The following OLFM3 variants were observed in gnomAD, a reference collection of about 807,000 sequenced individuals.
OLFM3 encodes the protein noelin-3.
In OLFM3, 20 loss-of-function variants were observed where a neutral mutation model predicts 48.6. The ratio of observed to expected loss-of-function variants is 0.41; its 90% CI spans 0.29 to 0.60. The LOEUF is 0.60. Ranked by LOEUF, OLFM3 falls within the 20% of genes least tolerant of loss-of-function variation. The pLI, the probability that OLFM3 is intolerant of heterozygous loss-of-function variation, is 0.28. For synonymous variants in OLFM3, 222 were observed against 198.1 expected (o/e 1.12, Z -1.01); for missense variants, 437 against 544.3 (o/e 0.80, Z 1.96).
At chr1:101,844,316 T>A (rs1311241021) in intron 1 of OLFM3, among the ~76,000 whole-genome samples, 2 of 152,124 alleles carry the variant, frequency 1.3e-5, no homozygotes, top group Non-Finnish European at 2.9e-5. Flanking sequence ...GAAAACATAC[T>A]TTAAAGGATG....
At chr1:101,911,415 T>TG (rs768655744) in intron 1 of OLFM3, among the ~76,000 whole-genome samples, 2 of 152,122 alleles carry the variant, frequency 1.3e-5, no homozygotes, top group Non-Finnish European at 2.9e-5. Context: ...GATAAATGAC[T>TG]GAAACCTCAT....
At chr1:101,902,459 AC>A (rs1658418703) in intron 1 of OLFM3, among the ~76,000 whole-genome samples, 10 of 151,972 alleles carry the variant, frequency 6.6e-5, no homozygotes. Context: ...CATGTTTGCC[AC>A]CCAAAAGGGA....
intron 1 of OLFM3, among the ~76,000 whole-genome samples, chr1:101,891,477 A>T (rs1657995434): frequency 6.6e-6 from 1 of 151,968 alleles, no homozygotes; most frequent in Non-Finnish European, 1.5e-5. Context: ...AGGAATAAAA[A>T]AATATTGATG....
In OLFM3 at chr1:101,885,357, T is replaced by C. The variant is rs1468279354; in HGVS notation, c.70-48332A>G. On this transcript the variant is annotated intron_variant, in intron 1 of 5. Coordinates refer to ENST00000370103, the MANE Select transcript of OLFM3 (RefSeq NM_058170.4). ...AAGAATTCCTTTGCTTTTTATGACA[T>C]GGTCCCTTCTATGATACGAGCACTG... is the stretch of plus-strand genomic sequence containing the variant. Among the ~76,000 whole-genome samples, 3 of 152,174 alleles carry C rather than the reference T, an allele frequency of 2.0e-5. No individual in the cohort carries two copies. In the East Asian group the frequency reaches 5.8e-4, roughly 30 times the overall value.
chr1:101,877,103 G>C (rs1277109812), intron 1 of OLFM3, among the ~76,000 whole-genome samples: 1 of 151,810 alleles, frequency 6.6e-6, no homozygotes, highest in Non-Finnish European at 1.5e-5. Context: ...CAATAAAGTG[G>C]TATGTAAATA....
chr1:101,903,099 T>C (rs1658441891), intron 1 of OLFM3, among the ~76,000 whole-genome samples: 1 of 152,082 alleles, frequency 6.6e-6, no homozygotes, highest in Non-Finnish European at 1.5e-5. Context: ...AGTAGATAAT[T>C]TCATGACTTG....
intron 1 of OLFM3, among the ~76,000 whole-genome samples, chr1:101,852,262 T>C (rs976915858): frequency 8.5e-5 from 13 of 152,096 alleles, no homozygotes; most frequent in African/African-American, 2.9e-4. Context: ...AATTTCTCTC[T>C]TCCTAATTGC....
intron 1 of OLFM3, among the ~76,000 whole-genome samples, chr1:101,942,815 G>C (rs1000688092): frequency 2.0e-5 from 3 of 152,098 alleles, no homozygotes; most frequent in Admixed American, 1.3e-4. Flanking sequence ...TTCTTGCTTT[G>C]TTCTTACAAA....
At chr1:101,808,182 T>C (rs1653872162) in intron 4 of OLFM3, among the ~76,000 whole-genome samples, 1 of 151,648 alleles carries the variant, frequency 6.6e-6, no homozygotes, top group African/African-American at 2.4e-5. Context: ...TGACTTAAGA[T>C]GATGGAGTGA....
intron 4 of OLFM3, among the ~76,000 whole-genome samples, chr1:101,817,212 G>A (rs1333427841): frequency 6.6e-6 from 1 of 152,088 alleles, no homozygotes; most frequent in Non-Finnish European, 1.5e-5. Context: ...CAGACAGAGA[G>A]GATAATTTTC....
chr1:101,996,743 C>T lies in OLFM3; in HGVS notation c.69+5G>A, dbSNP rs1159442236. On this transcript the variant is annotated splice_donor_5th_base_variant and intron_variant, in intron 1 of 5. Transcript: ENST00000370103. ...TTCAAACAAGACTCAAAATATTGTT[C>T]ATACCTTGGAAGGATCTAATCCGGC... 6.2e-7 allele frequency: 1 copy of T among 1,614,072 alleles called. No individual in the cohort carries two copies. Among genetic ancestry groups the T allele is most frequent in the Admixed American group, 1.7e-5 (1 of 60,032 alleles).
At chr1:101,819,661 T>C (rs867210580) in intron 4 of OLFM3, among the ~76,000 whole-genome samples, 16 of 151,728 alleles carry the variant, frequency 1.1e-4, no homozygotes, top group African/African-American at 3.6e-4. Flanking sequence ...AACAATTGGG[T>C]GGATGGTGGT....
chr1:101,836,746 A>G (rs931299918), intron 2 of OLFM3, 133 bp downstream of exon 2: 70 of 868,070 alleles, frequency 8.1e-5, no homozygotes, highest in Non-Finnish European at 1.1e-4. Context: ...CAAGGATCAG[A>G]AAAAAAAGCT....
At chr1:101,958,507 A>G (rs941370659) in intron 1 of OLFM3, among the ~76,000 whole-genome samples, 1 of 152,084 alleles carries the variant, frequency 6.6e-6, no homozygotes, top group African/African-American at 2.4e-5. Flanking sequence ...CTACAATACC[A>G]CATTGTAGAT....
chr1:101,987,873 T>C (rs1164262230), intron 1 of OLFM3, among the ~76,000 whole-genome samples: 1 of 152,156 alleles, frequency 6.6e-6, no homozygotes, highest in Non-Finnish European at 1.5e-5. Context: ...CTGACATTTT[T>C]TCCAGAGCAT....
chr1:101,952,936 C>T (rs1660186703), intron 1 of OLFM3, among the ~76,000 whole-genome samples: 1 of 152,106 alleles, frequency 6.6e-6, no homozygotes, highest in Admixed American at 6.6e-5. Flanking sequence ...TCTTCAGTGG[C>T]TATTCAGCAC....
chr1:101,946,419 T>C (rs1207503283), intron 1 of OLFM3, among the ~76,000 whole-genome samples: 2 of 152,192 alleles, frequency 1.3e-5, no homozygotes, highest in East Asian at 3.8e-4. Context: ...TGTTAAGACT[T>C]TATCTGGTTC....
At chr1:101,900,665 G>T (rs1658360604) in intron 1 of OLFM3, among the ~76,000 whole-genome samples, 1 of 152,008 alleles carries the variant, frequency 6.6e-6, no homozygotes, top group African/African-American at 2.4e-5. Flanking sequence ...AAAAATGGTA[G>T]AGTTAGTGGA....
At chr1:101,902,625 G>T (rs979380917) in intron 1 of OLFM3, among the ~76,000 whole-genome samples, 5 of 152,098 alleles carry the variant, frequency 3.3e-5, no homozygotes, top group African/African-American at 1.2e-4. Context: ...AAAAGAAGTG[G>T]AAGTTCTGTA....
Sources: allele counts gnomAD v4.1 joint callset (sites outside exome capture counted in the v4.1 genomes callset), GRCh38; gene constraint gnomAD v4.1.1; transcripts MANE v1.5; gene names NCBI Gene and HGNC (gene_info 2026-07-23, HGNC 2026-07-21).